Variants in ALDH7A1 observed in about 807,000 individuals in gnomAD.
ALDH7A1 encodes the protein alpha-aminoadipic semialdehyde dehydrogenase.
In ALDH7A1, 63 loss-of-function variants were observed where a neutral mutation model predicts 79.9. The observed-to-expected ratio is 0.79, with a 90% CI of 0.64 to 0.97. The LOEUF (loss-of-function observed/expected upper bound fraction) is 0.97, where lower values mean the gene tolerates loss of function less well. Among genes scored for constraint, ALDH7A1 ranks in the 50% least tolerant of loss-of-function variants. The pLI is 0.00. For missense variants in ALDH7A1, 627 were observed against 665.2 expected, an observed-to-expected ratio of 0.94 and a Z score of 0.63; for synonymous variants, 240 against 231.2, an observed-to-expected ratio of 1.04 and a Z score of -0.34.
At chr5:126,593,285 C>T (rs1751612907) in intron 2 of ALDH7A1, 66 bp downstream of exon 2, 5 of 1,591,794 alleles carry the variant, frequency 3.1e-6, no homozygotes, top group South Asian at 1.1e-5. Context: ...CCTGCACAAA[C>T]TCCTTGTGTA....
rs374006442 is a variant in ALDH7A1, at chr5:126,573,084, AT to A, written c.696-2226del. ...CATCAACCAGCATATAAACTCTTAC[AT>A]GAACATTTCAAATTCTTCAACCATT... On this transcript the variant is annotated intron_variant, in intron 7 of 17. Transcript: ENST00000409134. 2.9e-4 allele frequency among the ~76,000 whole-genome samples: 43 copies of A among 150,562 alleles called. No individual in the cohort carries two copies. The East Asian group carries it at 7.7e-3, about 27-fold the overall frequency.
rs886059837 is a variant in ALDH7A1, at chr5:126,542,600, G to A, written c.*2365C>T. On this transcript the variant is annotated 3_prime_UTR_variant, in exon 18 of 18. Coordinates refer to ENST00000409134, the MANE Select transcript of ALDH7A1 (RefSeq NM_001182.5). ...GGATAGATTGAGCCCAGGAGTTGGA[G>A]GCTGCAGTGAGCCACTATTGCACCA... 6.6e-6 allele frequency: 1 copy of A among 152,268 alleles called. No individual in the cohort carries two copies. Among genetic ancestry groups the A allele is most frequent in the Non-Finnish European group, 1.5e-5 (1 of 68,132 alleles). 9.4% of individuals were successfully genotyped at this position (152,268 alleles called of 1,614,324 possible).
chr5:126,583,996 C>A lies in ALDH7A1; in HGVS notation c.329G>T (p.Arg110Leu). 1 of 1,614,076 alleles carries A rather than the reference C, an allele frequency of 6.2e-7. No individual in the cohort carries two copies. The highest frequency in any genetic ancestry group is 8.5e-7 in the Non-Finnish European group (1 of 1,179,952). The change falls in exon 4 of 18, where the codon CGA becomes CTA. Residue 110 changes from arginine (R) to leucine (L), a missense_variant. Transcript: ENST00000409134. ...KIWADIPAPK[R>L]GEIVRQIGDA... ...GCCAATCTGTCTTACTATTTCTCCTCGTTTTGGAGCAGGAATCTAAGAAAA... is the reference window on the plus strand; with the variant it reads ...GCCAATCTGTCTTACTATTTCTCCTAGTTTTGGAGCAGGAATCTAAGAAAA...
chr5:126,549,265 A>G (rs754972609), intron 16 of ALDH7A1, among the ~76,000 whole-genome samples: 9 of 152,164 alleles, frequency 5.9e-5, no homozygotes, highest in Non-Finnish European at 1.2e-4. Flanking sequence ...TAATTGTAGT[A>G]TCTGCTCTAA....
chr5:126,574,096 A>AAACCACTAT (rs1432301127), intron 7 of ALDH7A1, among the ~76,000 whole-genome samples: 1 of 151,632 alleles, frequency 6.6e-6, no homozygotes, highest in East Asian at 1.9e-4. Context: ...TCCAATTCCT[A>AAACCACTAT]AACCACTATT....
intron 16 of ALDH7A1, among the ~76,000 whole-genome samples, chr5:126,548,125 T>C (rs924080950): frequency 1.3e-5 from 2 of 152,174 alleles, no homozygotes; most frequent in African/African-American, 2.4e-5. Context: ...AAAACTACTT[T>C]TTCCATTATA....
In ALDH7A1 at chr5:126,559,309, T is replaced by C; in HGVS notation, c.939A>G (p.Leu313=). 1 of 1,613,982 alleles carries C rather than the reference T, an allele frequency of 6.2e-7. No individual in the cohort carries two copies. Among genetic ancestry groups the C allele is most frequent in the Non-Finnish European group, 8.5e-7 (1 of 1,179,912 alleles). Residue 313 remains leucine (L), a synonymous_variant, in exon 11 of 18, where the codon TTA becomes TTG. Coordinates refer to ENST00000409134, the MANE Select transcript of ALDH7A1 (RefSeq NM_001182.5). ...IIAFEDADLS[L]VVPSALFAAV... Reference sequence around the variant, plus strand: ...CAGCGAAGAGAGCTGATGGAACAACTAAGCTGAGGTCTGCATCTTCAAAGG... The same window carrying C: ...CAGCGAAGAGAGCTGATGGAACAACCAAGCTGAGGTCTGCATCTTCAAAGG...
At chr5:126,562,659 C>A (rs1270169654) in intron 9 of ALDH7A1, among the ~76,000 whole-genome samples, 1 of 151,964 alleles carries the variant, frequency 6.6e-6, no homozygotes, top group Non-Finnish European at 1.5e-5. Context: ...ACCATCCTGG[C>A]CAACATGGTG....
Position 126,542,603 on chromosome 5 carries a change from T to G in ALDH7A1, c.*2362A>C, listed in dbSNP as rs1432201089. ...TAGATTGAGCCCAGGAGTTGGAGGC[T>G]GCAGTGAGCCACTATTGCACCACTG... On this transcript the variant is annotated 3_prime_UTR_variant, in exon 18 of 18. Transcript: ENST00000409134. The G allele has an allele frequency of 2.0e-5, 3 of 152,208 alleles. No homozygotes were observed. The highest frequency in any genetic ancestry group is 7.2e-5 in the African/African-American group (3 of 41,412). The allele number at this position is 152,208 out of a possible 1,614,324, so 9.4% of individuals were successfully genotyped here. A position where few individuals can be genotyped will look rare whatever the true frequency, so the allele number is the denominator to read the frequency against.
At chr5:126,555,890 C>G (rs761029767) in intron 12 of ALDH7A1, 41 bp downstream of exon 12, 1 of 1,493,574 alleles carries the variant, frequency 6.7e-7, no homozygotes, top group South Asian at 1.1e-5. Context: ...AACAACAGCT[C>G]TCAAAAAGGG....
intron 16 of ALDH7A1, among the ~76,000 whole-genome samples, chr5:126,547,996 G>T (rs370606820): frequency 2.0e-5 from 3 of 150,574 alleles, no homozygotes; most frequent in Admixed American, 1.3e-4. Flanking sequence ...ATGTTGCAGC[G>T]AGCCAATATT....
chr5:126,558,179 A>C lies in ALDH7A1; in HGVS notation c.1008+1061T>G, dbSNP rs1473254035. Among the ~76,000 whole-genome samples the C allele has an allele frequency of 2.0e-5, 3 of 150,562 alleles. No individual in the cohort carries two copies. In the East Asian group the frequency reaches 5.8e-4, roughly 29 times the overall value. On this transcript the variant is annotated intron_variant, in intron 11 of 17. Coordinates refer to ENST00000409134, the MANE Select transcript of ALDH7A1 (RefSeq NM_001182.5). ...GAGACTCCAACTCAAAAAAAAAAAA[A>C]AAAAAAAAAAAACACAAAAACAAAA...
rs964922803 is a variant in ALDH7A1 at position 126,556,074 on chromosome 5, T to C, written c.1009-59A>G. 2.7e-5 allele frequency: 32 copies of C among 1,181,616 alleles called. No homozygotes were observed. The African/African-American group carries it at 4.5e-4, about 17-fold the overall frequency. The allele number at this position is 1,181,616 out of a possible 1,614,324, so 73.2% of individuals were successfully genotyped here. A position where few individuals can be genotyped will look rare whatever the true frequency, so the allele number is the denominator to read the frequency against. On this transcript the variant is annotated intron_variant, in intron 11 of 17. Coordinates refer to ENST00000409134, the MANE Select transcript of ALDH7A1 (RefSeq NM_001182.5). ...GATAAATGCACACATTTTTAAACAA[T>C]GAATAATTTCCTTGATAGTTACTGA...
intron 13 of ALDH7A1, chr5:126,553,499 G>A (rs1226540135): frequency 6.6e-6 from 1 of 152,328 alleles, no homozygotes; most frequent in African/African-American, 2.4e-5. Context: ...GGATCACGAA[G>A]TCAGAAGTTC....
intron 5 of ALDH7A1, among the ~76,000 whole-genome samples, chr5:126,579,638 A>T (rs1017939227): frequency 6.9e-6 from 1 of 144,990 alleles, no homozygotes; most frequent in South Asian, 2.1e-4. Flanking sequence ...TCTCTACATA[A>T]ATGAGTAAAC....
intron 14 of ALDH7A1, 44 bp downstream of exon 14, chr5:126,551,977 T>C: frequency 7.0e-7 from 1 of 1,436,180 alleles, no homozygotes; most frequent in Non-Finnish European, 9.8e-7. Context: ...TTTCCTCTTA[T>C]CATTTATTTC....
At chr5:126,561,664 A>G (rs1750409528) in intron 9 of ALDH7A1, 1 of 152,334 alleles carries the variant, frequency 6.6e-6, no homozygotes, top group South Asian at 2.1e-4. Context: ...AATTAACAGG[A>G]AAGTCTACAG....
At position 126,565,394 on chromosome 5, in the gene ALDH7A1, CAAAAAAAAAAAAAAAAA is replaced by C. The variant is rs1162552475; in HGVS notation, c.871+2848_871+2864del. 4.6e-3 allele frequency among the ~76,000 whole-genome samples: 293 copies of C among 63,362 alleles called. 1 individual carries two copies. The highest frequency in any genetic ancestry group is 0.039 in the Middle Eastern group (4 of 102). 41.6% of individuals were successfully genotyped at this position (63,362 alleles called of 152,430 possible). On this transcript the variant is annotated intron_variant, in intron 9 of 17. Transcript: ENST00000409134. ...GGCAACAGAGCGTGAGATTCCATCT[CAAAAAAAAAAAAAAAAA>C]AAAAAAAAAAAGACGGCTATTCAAA...
At chr5:126,559,411 G>A in intron 10 of ALDH7A1, 77 bp from the exon 11 acceptor site, 2 of 868,710 alleles carry the variant, frequency 2.3e-6, no homozygotes, top group Non-Finnish European at 3.6e-6. Context: ...ATAAAACAAT[G>A]TTGTTTTTTG....
Sources: gnomAD v4.1 joint callset for allele counts (sites outside exome capture counted in the v4.1 genomes callset) on GRCh38, gnomAD v4.1.1 for gene constraint, MANE v1.5 for transcripts, NCBI Gene and HGNC (gene_info 2026-07-23, HGNC 2026-07-21) for gene names.